Variants in NAV3 observed in about 807,000 individuals in gnomAD.
NAV3 encodes pore membrane and/or filament interacting like protein 1.
A neutral mutation model predicts 244.7 loss-of-function variants in NAV3; 87 were observed. The ratio of observed to expected loss-of-function variants is 0.36; its 90% confidence interval spans 0.30 to 0.42. The LOEUF (loss-of-function observed/expected upper bound fraction) is 0.42. NAV3 is among the 20% of genes least tolerant of loss of function. NAV3 has a pLI of 1.00. For synonymous variants in NAV3, 1,126 were observed against 1,042.2 expected, an observed-to-expected ratio of 1.08 and a Z score of -1.55; for missense variants, 2,663 against 2,893.3, an observed-to-expected ratio of 0.92 and a Z score of 1.83.
At chr12:77,970,758 C>A (rs1262734274) in intron 5 of NAV3, among the ~76,000 whole-genome samples, 1 of 151,838 alleles carries the variant, frequency 6.6e-6, no homozygotes, top group African/African-American at 2.4e-5. Flanking sequence ...TGGATGACAT[C>A]GTGTTTTATG....
chr12:78,181,160 G>A, intron 30 of NAV3, 115 bp downstream of exon 30: 1 of 902,316 alleles, frequency 1.1e-6, no homozygotes, highest in Non-Finnish European at 1.7e-6. Flanking sequence ...CTAATTCTCA[G>A]AAATAGTCCT....
At chr12:78,144,347 A>AT (rs769537012) in intron 20 of NAV3, among the ~76,000 whole-genome samples, 183 of 152,208 alleles carry the variant, frequency 1.2e-3, no homozygotes, top group Non-Finnish European at 2.0e-3. Flanking sequence ...AGTGTTTCAT[A>AT]TTTTTTATCA....
intron 2 of NAV3, among the ~76,000 whole-genome samples, chr12:77,685,615 TTGAAA>T (rs1180647376): frequency 6.6e-6 from 1 of 152,140 alleles, no homozygotes; most frequent in Non-Finnish European, 1.5e-5. Context: ...CAAGAGCTTC[TTGAAA>T]TGAATAGCCC....
At position 78,047,411 on chromosome 12, in the gene NAV3, C is replaced by T. The variant is rs371369697; in HGVS notation, c.2024-2582C>T. Among the ~76,000 whole-genome samples, 40 of 152,218 alleles carry T rather than the reference C, an allele frequency of 2.6e-4. No homozygotes were observed. The East Asian group carries it at 2.7e-3, about 10-fold the overall frequency. Reference sequence around the variant, plus strand: ...CTGAGGCAGGAGAATGGTGTGAACCCGGGAGGCGGAGCTTGCAGTGAGCCA... The same window carrying T: ...CTGAGGCAGGAGAATGGTGTGAACCTGGGAGGCGGAGCTTGCAGTGAGCCA... On this transcript the variant is annotated intron_variant, in intron 9 of 39. Coordinates refer to ENST00000397909, the MANE Select transcript of NAV3 (RefSeq NM_001024383.2).
rs1196419564 is a variant in NAV3, at chr12:78,205,021, G to A, written c.6921G>A (p.Glu2307=). The A allele has an allele frequency of 8.7e-6, 14 of 1,613,496 alleles. No individual in the cohort carries two copies. Among genetic ancestry groups the A allele is most frequent in the Admixed American group, 1.7e-5 (1 of 59,880 alleles). The change falls in exon 39 of 40, where the codon GAG becomes GAA. Residue 2307 remains glutamate (E), a synonymous_variant. Transcript: ENST00000397909. ...YPWSSATLPQ[E]SPALLQLRPE... ...GGAGCTCAGCAACTCTGCCTCAGGA[G>A]AGCCCAGCCTTACTTCAGCTGCGAC...
At chr12:78,182,437 TCAG>T (rs1214792492) in intron 30 of NAV3, among the ~76,000 whole-genome samples, 1 of 151,948 alleles carries the variant, frequency 6.6e-6, no homozygotes, top group East Asian at 1.9e-4. Context: ...ACCTTATAGG[TCAG>T]ACTAATGGTA....
Position 77,873,420 on chromosome 12 carries a change from G to A in NAV3, c.243+41716G>A, listed in dbSNP as rs147661495. ...ACAAATCGTTACTTTATAATGAAATGATATTTCTTAAATATTTTTCTATGT... is the reference window on the plus strand; with the variant it reads ...ACAAATCGTTACTTTATAATGAAATAATATTTCTTAAATATTTTTCTATGT... On this transcript the variant is annotated intron_variant, in intron 1 of 39. Coordinates refer to ENST00000397909, the MANE Select transcript of NAV3 (RefSeq NM_001024383.2). Among the ~76,000 whole-genome samples the A allele has an allele frequency of 4.1e-3, 615 of 151,708 alleles. 10 individuals are homozygous for A. The South Asian group carries it at 0.044, about 11-fold the overall frequency.
intron 5 of NAV3, among the ~76,000 whole-genome samples, chr12:77,970,531 A>G (rs1362970560): frequency 3.3e-5 from 5 of 152,178 alleles, no homozygotes; most frequent in Non-Finnish European, 7.4e-5. Context: ...ATAAATTTTA[A>G]AAAGCTATAG....
chr12:78,020,103 A>G (rs909953788), intron 8 of NAV3, among the ~76,000 whole-genome samples: 4 of 152,090 alleles, frequency 2.6e-5, no homozygotes, highest in Non-Finnish European at 4.4e-5. Flanking sequence ...CCTTTGCTGA[A>G]CTCCCGCTTC....
intron 9 of NAV3, among the ~76,000 whole-genome samples, chr12:78,042,070 T>C (rs1880957579): frequency 6.6e-6 from 1 of 152,170 alleles, no homozygotes; most frequent in African/African-American, 2.4e-5. Context: ...TCCTCCTTTC[T>C]GTTTTCACTT....
chr12:78,138,628 C>T (rs532751496), intron 19 of NAV3, among the ~76,000 whole-genome samples: 3 of 152,256 alleles, frequency 2.0e-5, no homozygotes, highest in Non-Finnish European at 4.4e-5. Context: ...TGTAAGGACC[C>T]TGCTTTCTGA....
chr12:77,643,045 C>T (rs1475271138), intron 2 of NAV3, among the ~76,000 whole-genome samples: 1 of 151,872 alleles, frequency 6.6e-6, no homozygotes, highest in Non-Finnish European at 1.5e-5. Context: ...TCTCTTCTTT[C>T]ATTTGTTCTG....
chr12:78,208,871 G>C (rs1271396322), intron 39 of NAV3, among the ~76,000 whole-genome samples: 1 of 152,082 alleles, frequency 6.6e-6, no homozygotes, highest in Non-Finnish European at 1.5e-5. Flanking sequence ...CCAAATGCTT[G>C]AACATACAGG....
intron 2 of NAV3, among the ~76,000 whole-genome samples, chr12:77,661,822 T>C (rs1407616522): frequency 2.6e-5 from 4 of 152,070 alleles, no homozygotes; most frequent in African/African-American, 4.8e-5. Context: ...TTGAGTTGCC[T>C]TGCACCTTTA....
chr12:78,053,322 C>T (rs1245366483), intron 11 of NAV3, among the ~76,000 whole-genome samples: 3 of 151,860 alleles, frequency 2.0e-5, no homozygotes, highest in African/African-American at 7.3e-5. Context: ...TGGTACTTCT[C>T]TTCTATGAAG....
chr12:77,868,319 A>T (rs1263269255), intron 1 of NAV3, among the ~76,000 whole-genome samples: 1 of 152,160 alleles, frequency 6.6e-6, no homozygotes, highest in African/African-American at 2.4e-5. Flanking sequence ...AATATTGTTA[A>T]TATAATAACG....
chr12:78,055,657 A>G (rs1566070532), intron 11 of NAV3, among the ~76,000 whole-genome samples: 1 of 152,184 alleles, frequency 6.6e-6, no homozygotes, highest in African/African-American at 2.4e-5. Flanking sequence ...AGGCATTGAT[A>G]TTCAACAGGC....
At chr12:78,086,497 A>G (rs300482) in intron 12 of NAV3, among the ~76,000 whole-genome samples, 29,016 of 152,030 alleles carry the variant, frequency 0.19, 2,778 homozygotes, top group Non-Finnish European at 0.21. Context: ...GAGTATGGCT[A>G]CACAGTACAC....
intron 2 of NAV3, among the ~76,000 whole-genome samples, chr12:77,697,474 T>C (rs1875359767): frequency 6.6e-6 from 1 of 152,210 alleles, no homozygotes; most frequent in Non-Finnish European, 1.5e-5. Flanking sequence ...TTTAAATCTA[T>C]AAAATGAGTA....
Sources: allele counts gnomAD v4.1 joint callset (sites outside exome capture counted in the v4.1 genomes callset), GRCh38; gene constraint gnomAD v4.1.1; transcripts MANE v1.5; gene names NCBI Gene and HGNC (gene_info 2026-07-23, HGNC 2026-07-21).